The following HERPUD2 variants were observed in gnomAD, a reference collection of about 807,000 sequenced individuals.
HERPUD2 encodes the protein homocysteine-responsive endoplasmic reticulum-resident ubiquitin-like domain member 2 protein.
In HERPUD2, 13 loss-of-function variants were observed where a neutral mutation model predicts 49.9. The observed-to-expected ratio is 0.26, with a 90% CI of 0.17 to 0.41. The LOEUF (loss-of-function observed/expected upper bound fraction) is 0.41, where lower values mean the gene tolerates loss of function less well. Among genes scored for constraint, HERPUD2 ranks in the 10% least tolerant of loss-of-function variants. HERPUD2 has a pLI of 1.00. For synonymous variants in HERPUD2, 172 were observed against 171.4 expected, an observed-to-expected ratio of 1.00 and a Z score of -0.03; for missense variants, 449 against 492.2, an observed-to-expected ratio of 0.91 and a Z score of 0.83.
chr7:35,637,043 G>A (rs536234192), intron 6 of HERPUD2, among the ~76,000 whole-genome samples: 1 of 152,208 alleles, frequency 6.6e-6, no homozygotes, highest in South Asian at 2.1e-4. Flanking sequence ...TGAGGCACAA[G>A]AATCGCTTGA....
chr7:35,664,322 A>AT (rs1447452233), intron 5 of HERPUD2, among the ~76,000 whole-genome samples: 1 of 151,858 alleles, frequency 6.6e-6, no homozygotes, highest in East Asian at 1.9e-4. Flanking sequence ...TGCCCTTAAC[A>AT]TTTTTTTCTT....
chr7:35,644,176 T>G (rs1292328533), intron 5 of HERPUD2, among the ~76,000 whole-genome samples: 1 of 152,026 alleles, frequency 6.6e-6, no homozygotes, highest in East Asian at 1.9e-4. Flanking sequence ...CTAAATTTGA[T>G]ATATCAGTAT....
chr7:35,671,146 C>G (rs1305703174), intron 3 of HERPUD2, among the ~76,000 whole-genome samples: 1 of 152,032 alleles, frequency 6.6e-6, no homozygotes, highest in Non-Finnish European at 1.5e-5. Context: ...CTACTAGAAA[C>G]TATGAATGTA....
chr7:35,660,722 G>A (rs1387996791), intron 5 of HERPUD2, among the ~76,000 whole-genome samples: 2 of 152,146 alleles, frequency 1.3e-5, no homozygotes, highest in Non-Finnish European at 2.9e-5. Flanking sequence ...TGTTGATGGG[G>A]TTGTTGGATT....
At chr7:35,689,176 T>C (rs1323264157) in intron 2 of HERPUD2, among the ~76,000 whole-genome samples, 2 of 152,192 alleles carry the variant, frequency 1.3e-5, no homozygotes, top group Admixed American at 6.5e-5. Flanking sequence ...ATAATGTTAT[T>C]ATATTTTCCA....
chr7:35,666,848 C>T (rs1226483226), intron 5 of HERPUD2, among the ~76,000 whole-genome samples: 1 of 152,208 alleles, frequency 6.6e-6, no homozygotes, highest in Non-Finnish European at 1.5e-5. Context: ...TTCTGGACAA[C>T]ATGCAGCAAG....
chr7:35,674,732 T>TA (rs1785723808), intron 2 of HERPUD2, among the ~76,000 whole-genome samples: 1 of 151,606 alleles, frequency 6.6e-6, no homozygotes, highest in African/African-American at 2.4e-5. Context: ...ACCAATGATT[T>TA]AATCAATCAC....
chr7:35,674,846 G>A (rs373133029), intron 2 of HERPUD2, among the ~76,000 whole-genome samples: 12 of 152,258 alleles, frequency 7.9e-5, no homozygotes, highest in Middle Eastern at 3.4e-3. Context: ...GGCCCAGAAA[G>A]GGCATGGAAG....
intron 2 of HERPUD2, among the ~76,000 whole-genome samples, chr7:35,675,415 A>G (rs1785740268): frequency 6.6e-6 from 1 of 152,190 alleles, no homozygotes; most frequent in African/African-American, 2.4e-5. Flanking sequence ...GAATTATCCA[A>G]TGCTTTATAA....
At chr7:35,637,058 G>C (rs538737936) in intron 6 of HERPUD2, among the ~76,000 whole-genome samples, 1 of 151,932 alleles carries the variant, frequency 6.6e-6, no homozygotes, top group Non-Finnish European at 1.5e-5. Flanking sequence ...GCTTGAACCC[G>C]GGAGGCGGAG....
intron 5 of HERPUD2, 108 bp from the exon 6 acceptor site, chr7:35,638,580 T>C: frequency 9.1e-7 from 1 of 1,095,954 alleles, no homozygotes; most frequent in Non-Finnish European, 1.3e-6. Context: ...TATATTTAAA[T>C]CTCACTGAAA....
chr7:35,639,889 C>T (rs1784940568), intron 5 of HERPUD2, among the ~76,000 whole-genome samples: 2 of 152,098 alleles, frequency 1.3e-5, no homozygotes, highest in African/African-American at 4.8e-5. Context: ...CAGTGGCAGC[C>T]ACATAGGGTC....
At chr7:35,648,303 T>A (rs1785092963) in intron 5 of HERPUD2, among the ~76,000 whole-genome samples, 1 of 152,214 alleles carries the variant, frequency 6.6e-6, no homozygotes, top group Non-Finnish European at 1.5e-5. Context: ...ACTGACCAAA[T>A]ATTTATGGTA....
chr7:35,634,302 A>C lies in HERPUD2; in HGVS notation c.1059+10T>G. On this transcript the variant is annotated intron_variant, in intron 8 of 8. Coordinates refer to ENST00000311350, the MANE Select transcript of HERPUD2 (RefSeq NM_022373.5). ...AGTATCTTAAGTATACAAAAGCTTC[A>C]ATCACATACCATTTCTTCAAGTTCC... The C allele has an allele frequency of 6.4e-7, 1 of 1,551,572 alleles. No individual in the cohort carries two copies. The highest frequency in any genetic ancestry group is 8.9e-7 in the Non-Finnish European group (1 of 1,123,084).
chr7:35,661,260 C>T (rs1785414580), intron 5 of HERPUD2, among the ~76,000 whole-genome samples: 1 of 152,142 alleles, frequency 6.6e-6, no homozygotes, highest in Non-Finnish European at 1.5e-5. Context: ...GTACCAGTAC[C>T]ATGCTGTTTT....
intron 5 of HERPUD2, among the ~76,000 whole-genome samples, chr7:35,661,227 C>G (rs1199633064): frequency 6.6e-6 from 1 of 151,988 alleles, no homozygotes; most frequent in East Asian, 1.9e-4. Context: ...TATTCTGTTC[C>G]ACTAGTCTAT....
chr7:35,694,715 G>A, intron 1 of HERPUD2, 86 bp downstream of exon 1: 2 of 226,900 alleles, frequency 8.8e-6, no homozygotes, highest in South Asian at 6.6e-5. Context: ...AAGCTGGAAC[G>A]CAACAAGGCC....
intron 5 of HERPUD2, among the ~76,000 whole-genome samples, chr7:35,650,311 G>A (rs1785136501): frequency 1.3e-5 from 2 of 152,142 alleles, no homozygotes; most frequent in South Asian, 4.1e-4. Context: ...GCTCCCCAGT[G>A]CAGGGAAAGG....
rs2392380 is a variant in HERPUD2, at chr7:35,682,282, T to C, written c.148-9004A>G. Among the ~76,000 whole-genome samples, 256 of 53,070 alleles carry C rather than the reference T, an allele frequency of 4.8e-3. 13 individuals are homozygous for C. Among genetic ancestry groups the C allele is most frequent in the African/African-American group, 0.019 (221 of 11,702 alleles). 34.8% of individuals were successfully genotyped at this position (53,070 alleles called of 152,430 possible). A position where few individuals can be genotyped will look rare whatever the true frequency, so the allele number is the denominator to read the frequency against. ...GTGTGTATATATAGATATATACACA[T>C]ACACACGTGTGTGTGTGTATATATA... On this transcript the variant is annotated intron_variant, in intron 2 of 8. Transcript: ENST00000311350.
Sources: gnomAD v4.1 joint callset for allele counts (sites outside exome capture counted in the v4.1 genomes callset) on GRCh38, gnomAD v4.1.1 for gene constraint, MANE v1.5 for transcripts, NCBI Gene and HGNC (gene_info 2026-07-23, HGNC 2026-07-21) for gene names.